Variants in MYO5B observed in about 807,000 individuals in gnomAD.
MYO5B encodes the protein myosin VB.
A neutral mutation model predicts 229.3 loss-of-function variants in MYO5B; 143 were observed. The observed-to-expected ratio is 0.62, with a 90% CI of 0.54 to 0.72. The LOEUF is 0.72. Among genes scored for constraint, MYO5B ranks in the 30% least tolerant of loss-of-function variants. The pLI is 0.00. For synonymous variants in MYO5B, 918 were observed against 885.2 expected (o/e 1.04, Z -0.66); for missense variants, 2,321 against 2,331.0 (o/e 1.00, Z 0.09).
chr18:49,909,844 T>C (rs1040199821), intron 18 of MYO5B, among the ~76,000 whole-genome samples: 2 of 152,216 alleles, frequency 1.3e-5, no homozygotes, highest in African/African-American at 4.8e-5. Flanking sequence ...GGAAACAGCA[T>C]GTATTCCTAT....
chr18:50,122,849 C>T (rs552634155), intron 1 of MYO5B, among the ~76,000 whole-genome samples: 141 of 151,732 alleles, frequency 9.3e-4, no homozygotes, highest in South Asian at 1.7e-3. Flanking sequence ...AATTGGAACC[C>T]TCAGACATCG....
chr18:50,105,518 T>C (rs1372965120), intron 1 of MYO5B, among the ~76,000 whole-genome samples: 2 of 152,244 alleles, frequency 1.3e-5, no homozygotes, highest in African/African-American at 4.8e-5. Context: ...TTAAGTTCCG[T>C]ACTTCATGAT....
At chr18:49,985,983 C>T (rs1417350737) in intron 7 of MYO5B, among the ~76,000 whole-genome samples, 4 of 152,198 alleles carry the variant, frequency 2.6e-5, no homozygotes, top group South Asian at 2.1e-4. Flanking sequence ...TCTGCTTCTG[C>T]ACCCGTCCCT....
chr18:50,066,387 C>T (rs2030820275), intron 1 of MYO5B, among the ~76,000 whole-genome samples: 1 of 152,168 alleles, frequency 6.6e-6, no homozygotes, highest in African/African-American at 2.4e-5. Flanking sequence ...CTGCCATTCC[C>T]ACCACACTTC....
intron 1 of MYO5B, among the ~76,000 whole-genome samples, chr18:50,108,569 T>A (rs892111666): frequency 1.3e-5 from 2 of 152,066 alleles, no homozygotes. Context: ...ACAGGCCAAG[T>A]TCTCCAGGCA....
In MYO5B at chr18:49,879,062, T is replaced by C. The variant is rs1248729056; in HGVS notation, c.3159A>G (p.Glu1053=). The C allele has an allele frequency of 2.5e-6, 4 of 1,607,308 alleles. No homozygotes were observed. In the South Asian group the frequency reaches 4.4e-5, roughly 18 times the overall value. ...CCTCCAGTTCTTTCTTCATGAGATT[T>C]TCCTTCACAGAGTTCTGGGCAAATT... The part of the protein sequence containing the change: ...KDEFAQNSVK[E]NLMKKELEEE... The change falls in exon 24 of 40, where the codon GAA becomes GAG. Residue 1053 remains glutamate (E), a synonymous_variant. Coordinates refer to ENST00000285039, the MANE Select transcript of MYO5B (RefSeq NM_001080467.3).
At chr18:49,888,746 T>C (rs2024675141) in intron 22 of MYO5B, among the ~76,000 whole-genome samples, 1 of 152,232 alleles carries the variant, frequency 6.6e-6, no homozygotes, top group Non-Finnish European at 1.5e-5. Flanking sequence ...TCTGCCTGAA[T>C]GTTTCACTGT....
At chr18:50,128,016 G>A (rs753446751) in intron 1 of MYO5B, among the ~76,000 whole-genome samples, 3 of 152,174 alleles carry the variant, frequency 2.0e-5, no homozygotes, top group Non-Finnish European at 2.9e-5. Flanking sequence ...TGACTCTGCT[G>A]GTTCTCAGGC....
intron 8 of MYO5B, among the ~76,000 whole-genome samples, 189 bp downstream of exon 8, chr18:49,984,529 A>T (rs2025850244): frequency 1.3e-5 from 2 of 152,208 alleles, no homozygotes; most frequent in African/African-American, 2.4e-5. Context: ...TGAAGCTCCA[A>T]ATTTTAAGTT....
At chr18:50,068,044 T>TACACACAC (rs4042092) in intron 1 of MYO5B, among the ~76,000 whole-genome samples, 1 of 147,874 alleles carries the variant, frequency 6.8e-6, no homozygotes, top group Admixed American at 6.7e-5. Context: ...TACACACATA[T>TACACACAC]ACACACACAC....
intron 4 of MYO5B, among the ~76,000 whole-genome samples, chr18:50,032,836 A>G (rs766021375): frequency 5.3e-4 from 81 of 152,110 alleles, no homozygotes; most frequent in Non-Finnish European, 1.0e-3. Context: ...AAATACAAAA[A>G]TTTAGCTGGG....
chr18:50,157,493 C>T (rs2032699216), intron 1 of MYO5B, among the ~76,000 whole-genome samples: 1 of 152,192 alleles, frequency 6.6e-6, no homozygotes, highest in Non-Finnish European at 1.5e-5. Context: ...ATCCCTTTGA[C>T]CTTTCTTCCA....
chr18:50,183,306 C>CATAT (rs71169486), intron 1 of MYO5B, among the ~76,000 whole-genome samples: 2,301 of 109,710 alleles, frequency 0.021, 53 homozygotes, highest in Admixed American at 0.039. Context: ...TCAATTTTAT[C>CATAT]ATATATATAT....
intron 1 of MYO5B, among the ~76,000 whole-genome samples, chr18:50,179,607 G>A (rs755329403): frequency 2.0e-5 from 3 of 152,198 alleles, no homozygotes; most frequent in Non-Finnish European, 4.4e-5. Context: ...GAGAAGACAA[G>A]GAAAAGAGCC....
At chr18:49,969,131 A>G (rs552146121) in intron 10 of MYO5B, among the ~76,000 whole-genome samples, 25 of 152,334 alleles carry the variant, frequency 1.6e-4, no homozygotes, top group Admixed American at 2.6e-4. Flanking sequence ...TGAAGAAGGC[A>G]TGTCCAGGGA....
intron 14 of MYO5B, among the ~76,000 whole-genome samples, chr18:49,938,334 T>C (rs2025273701): frequency 6.6e-6 from 1 of 152,106 alleles, no homozygotes; most frequent in African/African-American, 2.4e-5. Flanking sequence ...GTCCCAGCCA[T>C]CAAGAAGTTC....
In MYO5B at chr18:49,954,137, A is replaced by C. The variant is rs17715292; in HGVS notation, c.1668+176T>G. Among the ~76,000 whole-genome samples the C allele has an allele frequency of 0.15, 22,355 of 150,366 alleles. 1,819 individuals are homozygous for C. The highest frequency in any genetic ancestry group is 0.22 in the South Asian group (1,038 of 4,738). On this transcript the variant is annotated intron_variant, in intron 13 of 39. Coordinates refer to ENST00000285039, the MANE Select transcript of MYO5B (RefSeq NM_001080467.3). ...CCCTGTGAAGTTATGCCTTGTGGTA[A>C]GCTTGGTATCCCCTAGAAGTAGAGG...
chr18:49,829,636 G>A (rs996375070), intron 39 of MYO5B, among the ~76,000 whole-genome samples: 2 of 152,098 alleles, frequency 1.3e-5, no homozygotes, highest in African/African-American at 4.8e-5. Flanking sequence ...GCCAGATAAA[G>A]ACCCTGTAAG....
intron 1 of MYO5B, among the ~76,000 whole-genome samples, chr18:50,087,467 G>A (rs1419860781): frequency 6.6e-6 from 1 of 151,758 alleles, no homozygotes; most frequent in Non-Finnish European, 1.5e-5. Flanking sequence ...CAGCTACTAG[G>A]GAGGGTGAGG....
Sources: gnomAD v4.1 joint callset for allele counts (sites outside exome capture counted in the v4.1 genomes callset) on GRCh38, gnomAD v4.1.1 for gene constraint, MANE v1.5 for transcripts, NCBI Gene and HGNC (gene_info 2026-07-23, HGNC 2026-07-21) for gene names.